Variants in ADAM22 observed in about 807,000 individuals in gnomAD.
The protein encoded by ADAM22 is ADAM metallopeptidase domain 22.
A neutral mutation model predicts 144.6 loss-of-function variants in ADAM22; 65 were observed. The observed-to-expected ratio is 0.45, with a 90% CI of 0.37 to 0.55. The LOEUF is 0.55. ADAM22 is among the 20% of genes least tolerant of loss of function. ADAM22 has a pLI of 0.00. For missense variants in ADAM22, 974 were observed against 1,184.9 expected (o/e 0.82, Z 2.61); for synonymous variants, 391 against 412.6 (o/e 0.95, Z 0.63).
chr7:88,171,552 G>A lies in ADAM22; in HGVS notation c.2291G>A (p.Arg764Gln), dbSNP rs375078730. 110 of 1,589,340 alleles carry A rather than the reference G, an allele frequency of 6.9e-5. No individual in the cohort carries two copies. The highest frequency in any genetic ancestry group is 8.5e-5 in the Non-Finnish European group (99 of 1,170,916). The part of the protein sequence containing the change: ...GITAWGYKNY[R>Q]EQRQLPQGDY... ...TTCTTGTCCATGAAAAGAAACTATC[G>A]AGAACAGAGGTATGTAATACAAATA... The change falls in exon 26 of 32, where the codon CGA becomes CAA. Residue 764 changes from arginine (R) to glutamine (Q), a missense_variant. Transcript: ENST00000413139.
In ADAM22 at chr7:88,134,287, A is replaced by G. The variant is rs1737755776; in HGVS notation, c.1078-42A>G. 4.1e-6 allele frequency: 6 copies of G among 1,453,610 alleles called. No homozygotes were observed. In the African/African-American group the frequency reaches 5.7e-5, roughly 14 times the overall value. 90.0% of individuals were successfully genotyped at this position (1,453,610 alleles called of 1,614,324 possible). On this transcript the variant is annotated intron_variant, in intron 12 of 31. Transcript: ENST00000413139. The stretch of plus-strand genomic sequence containing the variant: ...TTTCTCTGGTTCTTTGTCAGTGACA[A>G]TTTGGATTTACATATATTTTATTTT...
chr7:88,178,379 G>A (rs983565049), intron 26 of ADAM22, among the ~76,000 whole-genome samples: 1 of 151,484 alleles, frequency 6.6e-6, no homozygotes, highest in African/African-American at 2.4e-5. Flanking sequence ...CCATTTCTTC[G>A]TATTTCTGTT....
At chr7:88,054,035 G>A (rs1807442961) in intron 3 of ADAM22, among the ~76,000 whole-genome samples, 2 of 152,162 alleles carry the variant, frequency 1.3e-5, no homozygotes, top group Admixed American at 6.5e-5. Context: ...GGGAGGCTGA[G>A]GCAGGAGAAT....
intron 2 of ADAM22, among the ~76,000 whole-genome samples, chr7:87,957,372 A>T (rs1015844674): frequency 6.6e-6 from 1 of 152,246 alleles, no homozygotes; most frequent in African/African-American, 2.4e-5. Context: ...TAATTCAAAC[A>T]TACAAAATGG....
chr7:88,196,795 T>A lies in ADAM22; in HGVS notation c.*304T>A. 1 of 369,198 alleles carries A rather than the reference T, an allele frequency of 2.7e-6. No individual in the cohort carries two copies. The allele number at this position is 369,198 out of a possible 1,614,324, so 22.9% of individuals were successfully genotyped here. A position where few individuals can be genotyped will look rare whatever the true frequency, so the allele number is the denominator to read the frequency against. On this transcript the variant is annotated 3_prime_UTR_variant, in exon 32 of 32. Coordinates refer to ENST00000413139, the MANE Select transcript of ADAM22 (RefSeq NM_001324418.2). ...ATAATATGTAGAAATATTCATAAAG[T>A]TAACTCACATGACCCAAATGTAGCA...
Position 88,145,199 on chromosome 7 carries a change from A to G in ADAM22, c.1392+3A>G. 6.2e-7 allele frequency: 1 copy of G among 1,613,650 alleles called. No homozygotes were observed. Among genetic ancestry groups the G allele is most frequent in the Non-Finnish European group, 8.5e-7 (1 of 1,179,778 alleles). ...AGTGTGATTGTGGAACCCCGGCCGT[A>G]AGTCTCTGGTTGTTTTGATGATATT... is the stretch of plus-strand genomic sequence containing the variant. On this transcript the variant is annotated splice_donor_region_variant and intron_variant, in intron 16 of 31. Coordinates refer to ENST00000413139, the MANE Select transcript of ADAM22 (RefSeq NM_001324418.2).
intron 3 of ADAM22, among the ~76,000 whole-genome samples, chr7:87,995,508 C>CT (rs1790956252): frequency 6.6e-6 from 1 of 152,162 alleles, no homozygotes; most frequent in South Asian, 2.1e-4. Context: ...GGGTCCCTTC[C>CT]TACTCCCATA....
intron 14 of ADAM22, among the ~76,000 whole-genome samples, chr7:88,137,930 G>C (rs1385752129): frequency 6.6e-6 from 1 of 152,160 alleles, no homozygotes; most frequent in Non-Finnish European, 1.5e-5. Flanking sequence ...GAGGCAGGCA[G>C]ATCACTTGAG....
At chr7:88,113,030 A>G (rs1826467644) in intron 5 of ADAM22, among the ~76,000 whole-genome samples, 1 of 150,440 alleles carries the variant, frequency 6.6e-6, no homozygotes, top group Admixed American at 6.6e-5. Context: ...TCAAAACTGA[A>G]CTCTTAAAGG....
chr7:88,196,374 A>T, intron 31 of ADAM22, 97 bp from the exon 32 acceptor site: 1 of 1,369,020 alleles, frequency 7.3e-7, no homozygotes, highest in Non-Finnish European at 1.0e-6. Context: ...AATCACATAT[A>T]TATGGATGGA....
chr7:87,965,442 T>A (rs1272059045), intron 2 of ADAM22, among the ~76,000 whole-genome samples: 1 of 152,234 alleles, frequency 6.6e-6, no homozygotes, highest in East Asian at 1.9e-4. Flanking sequence ...TTATTATATG[T>A]AAATGTGTGA....
intron 7 of ADAM22, among the ~76,000 whole-genome samples, chr7:88,120,210 G>A (rs1828913617): frequency 6.6e-6 from 1 of 151,508 alleles, no homozygotes; most frequent in African/African-American, 2.4e-5. Flanking sequence ...TAAGTTCTAG[G>A]GTACATGTGT....
At chr7:88,140,974 A>G (rs1834457450) in intron 14 of ADAM22, among the ~76,000 whole-genome samples, 2 of 151,790 alleles carry the variant, frequency 1.3e-5, no homozygotes, top group South Asian at 2.1e-4. Flanking sequence ...TGGAGGGGGG[A>G]GAGGGTGTGT....
At chr7:88,162,917 G>C (rs1396708454) in intron 22 of ADAM22, 95 bp from the exon 23 acceptor site, 4 of 1,310,426 alleles carry the variant, frequency 3.1e-6, no homozygotes, top group Non-Finnish European at 4.3e-6. Context: ...AAATAGAATA[G>C]AGGAAGCAAT....
At chr7:87,936,440 A>G (rs186847118) in intron 2 of ADAM22, among the ~76,000 whole-genome samples, 135 of 152,292 alleles carry the variant, frequency 8.9e-4, no homozygotes, top group African/African-American at 3.2e-3. Context: ...GTATTTTTCA[A>G]TTAATTAAGA....
intron 3 of ADAM22, among the ~76,000 whole-genome samples, chr7:88,039,180 C>G (rs546376324): frequency 1.3e-5 from 2 of 151,798 alleles, no homozygotes; most frequent in East Asian, 3.9e-4. Flanking sequence ...CATGGTGGCT[C>G]ACACCTGTAA....
intron 2 of ADAM22, among the ~76,000 whole-genome samples, chr7:87,937,129 A>C (rs544401301): frequency 2.6e-5 from 4 of 151,966 alleles, no homozygotes; most frequent in Non-Finnish European, 4.4e-5. Context: ...CTAATTAAAA[A>C]TTTGTTTTTG....
chr7:88,047,277 C>T (rs1804924830), intron 3 of ADAM22, among the ~76,000 whole-genome samples: 1 of 152,178 alleles, frequency 6.6e-6, no homozygotes, highest in Non-Finnish European at 1.5e-5. Flanking sequence ...TTTTTCCCTG[C>T]CACAGCTTTG....
intron 4 of ADAM22, among the ~76,000 whole-genome samples, chr7:88,101,680 CTT>C (rs576470905): frequency 9.9e-4 from 150 of 152,226 alleles, no homozygotes; most frequent in African/African-American, 3.4e-3. Context: ...AAAGCCAACT[CTT>C]TTTTGGGAAA....
Sources: gnomAD v4.1 joint callset for allele counts (sites outside exome capture counted in the v4.1 genomes callset) on GRCh38, gnomAD v4.1.1 for gene constraint, MANE v1.5 for transcripts, NCBI Gene and HGNC (gene_info 2026-07-23, HGNC 2026-07-21) for gene names.